Variants in SNX29 observed in about 807,000 individuals in gnomAD.
SNX29 encodes sorting nexin-29.
SNX29 carries 78 observed loss-of-function variants against 102.1 expected under a neutral mutation model. That is an observed-to-expected ratio of 0.76 (90% confidence interval 0.64 to 0.92). The LOEUF (loss-of-function observed/expected upper bound fraction) is 0.92, where lower values mean the gene tolerates loss of function less well. SNX29 is among the 40% of genes least tolerant of loss of function. The pLI, the probability that SNX29 is intolerant of heterozygous loss-of-function variation, is 0.00. For missense variants in SNX29, 1,280 were observed against 1,061.7 expected (o/e 1.21, Z -2.86); for synonymous variants, 580 against 414.5 (o/e 1.40, Z -4.85).
intron 20 of SNX29, among the ~76,000 whole-genome samples, chr16:12,541,820 G>T (rs775892189): frequency 1.3e-5 from 2 of 152,068 alleles, no homozygotes; most frequent in African/African-American, 2.4e-5. Context: ...AACCAAGCTC[G>T]CCTCTTCCCC....
intron 14 of SNX29, among the ~76,000 whole-genome samples, chr16:12,270,352 C>T (rs955927151): frequency 6.6e-6 from 1 of 152,150 alleles, no homozygotes; most frequent in Non-Finnish European, 1.5e-5. Flanking sequence ...ATGGTGTTGT[C>T]ATCTGTTATT....
intron 18 of SNX29, among the ~76,000 whole-genome samples, chr16:12,431,365 A>G (rs149282105): frequency 3.3e-5 from 5 of 151,796 alleles, no homozygotes; most frequent in Admixed American, 6.5e-5. Flanking sequence ...GGAGAGTATT[A>G]GATTTATTAT....
chr16:12,566,540 G>A (rs555431687), intron 20 of SNX29, among the ~76,000 whole-genome samples: 46 of 152,230 alleles, frequency 3.0e-4, no homozygotes, highest in Non-Finnish European at 4.7e-4. Context: ...AGCATGACAG[G>A]AGGGGGTTGT....
At chr16:12,078,069 C>A (rs1444591095) in intron 10 of SNX29, among the ~76,000 whole-genome samples, 1 of 152,230 alleles carries the variant, frequency 6.6e-6, no homozygotes, top group African/African-American at 2.4e-5. Flanking sequence ...AATGAAGCAT[C>A]TCTAACTCAC....
intron 16 of SNX29, among the ~76,000 whole-genome samples, chr16:12,371,005 C>T (rs1375640000): frequency 6.6e-6 from 1 of 152,222 alleles, no homozygotes; most frequent in Non-Finnish European, 1.5e-5. Context: ...TCTTGGGCCA[C>T]AGCTTTCTTG....
At chr16:12,438,075 G>A (rs2085618537) in intron 18 of SNX29, among the ~76,000 whole-genome samples, 1 of 152,112 alleles carries the variant, frequency 6.6e-6, no homozygotes, top group East Asian at 1.9e-4. Context: ...GTTTCCTGTT[G>A]ACCTTTCCAA....
Position 11,991,493 on chromosome 16 carries a change from T to G in SNX29, c.8-7804T>G, listed in dbSNP as rs540392419. On this transcript the variant is annotated intron_variant, in intron 1 of 20. Transcript: ENST00000566228. ...ATGGTTTCTATTACATTTATTCATT[T>G]TATTTTATAAAAATATAAATATATG... 7.1e-4 allele frequency among the ~76,000 whole-genome samples: 108 copies of G among 152,138 alleles called. 1 individual carries two copies. The Middle Eastern group carries it at 0.014, about 19-fold the overall frequency.
At chr16:12,552,770 C>T (rs1160512981) in intron 20 of SNX29, among the ~76,000 whole-genome samples, 1 of 152,228 alleles carries the variant, frequency 6.6e-6, no homozygotes, top group Non-Finnish European at 1.5e-5. Flanking sequence ...GGTATGAATT[C>T]ATCTCAGCTC....
At chr16:12,317,570 G>A (rs944703846) in intron 15 of SNX29, among the ~76,000 whole-genome samples, 1 of 152,138 alleles carries the variant, frequency 6.6e-6, no homozygotes, top group African/African-American at 2.4e-5. Context: ...CAAATAACAT[G>A]GCTTAGATTT....
At chr16:12,170,061 G>A (rs948169514) in intron 13 of SNX29, among the ~76,000 whole-genome samples, 12 of 152,186 alleles carry the variant, frequency 7.9e-5, no homozygotes, top group African/African-American at 2.9e-4. Flanking sequence ...ATCCTTTGTA[G>A]TGGGGGCTGT....
At chr16:12,401,486 C>A in intron 17 of SNX29, among the ~76,000 whole-genome samples, 1 of 151,114 alleles carries the variant, frequency 6.6e-6, no homozygotes, top group East Asian at 2.0e-4. Context: ...GCCTCAGCCT[C>A]CCAAGTAGCT....
Position 12,568,557 on chromosome 16 carries a change from C to T in SNX29, c.2370C>T (p.Ser790=), listed in dbSNP as rs755218989. Residue 790 remains serine, a synonymous_variant, in exon 21 of 21, where the codon TCC becomes TCT. Coordinates refer to ENST00000566228, the MANE Select transcript of SNX29 (RefSeq NM_032167.5). The stretch of plus-strand genomic sequence containing the variant: ...TGAACAGCCGGCCCAAAGCAGCTTC[C>T]CGCTTCCCCAAACTGTCCCGGGGTC... ...EPVNSRPKAA[S]RFPKLSRGQP... The T allele has an allele frequency of 1.8e-5, 29 of 1,609,308 alleles. No individual in the cohort carries two copies. The highest frequency in any genetic ancestry group is 2.4e-5 in the Non-Finnish European group (28 of 1,179,852).
At chr16:12,316,524 C>T (rs1374637866) in intron 15 of SNX29, among the ~76,000 whole-genome samples, 1 of 152,154 alleles carries the variant, frequency 6.6e-6, no homozygotes, top group Non-Finnish European at 1.5e-5. Context: ...ACCTGGGAGA[C>T]AGAGCGAAAC....
intron 16 of SNX29, among the ~76,000 whole-genome samples, chr16:12,359,539 A>G (rs1457784975): frequency 2.0e-5 from 3 of 152,176 alleles, no homozygotes; most frequent in Admixed American, 1.3e-4. Context: ...CATGTATTTT[A>G]CATATCTGCT....
chr16:12,069,847 C>T (rs1185565857), intron 10 of SNX29, among the ~76,000 whole-genome samples: 2 of 152,078 alleles, frequency 1.3e-5, no homozygotes, highest in African/African-American at 4.8e-5. Flanking sequence ...CCCGCCACTG[C>T]GCCCGGCTAA....
At chr16:12,190,776 C>T (rs2076622276) in intron 13 of SNX29, among the ~76,000 whole-genome samples, 1 of 151,958 alleles carries the variant, frequency 6.6e-6, no homozygotes, top group Non-Finnish European at 1.5e-5. Flanking sequence ...GGGAGGGGGT[C>T]GGGTCTAGCT....
At chr16:12,389,821 A>C (rs2083461827) in intron 16 of SNX29, among the ~76,000 whole-genome samples, 1 of 152,152 alleles carries the variant, frequency 6.6e-6, no homozygotes, top group African/African-American at 2.4e-5. Flanking sequence ...ACAACCACAG[A>C]TGTAGGGCAG....
intron 3 of SNX29, among the ~76,000 whole-genome samples, chr16:12,020,190 C>A (rs865966040): frequency 1.3e-5 from 2 of 151,238 alleles, no homozygotes; most frequent in African/African-American, 4.9e-5. Context: ...TGGTGCGATC[C>A]CGGCTCACTG....
intron 13 of SNX29, among the ~76,000 whole-genome samples, chr16:12,173,475 T>A (rs1028694830): frequency 5.9e-5 from 9 of 152,222 alleles, no homozygotes; most frequent in Admixed American, 2.6e-4. Flanking sequence ...GTTTGGCCTG[T>A]GGGCTCTAGT....
Sources: gnomAD v4.1 joint callset for allele counts (sites outside exome capture counted in the v4.1 genomes callset) on GRCh38, gnomAD v4.1.1 for gene constraint, MANE v1.5 for transcripts, NCBI Gene and HGNC (gene_info 2026-07-23, HGNC 2026-07-21) for gene names.